Variants in ASB7 observed in about 807,000 individuals in gnomAD.
ASB7 encodes the protein ankyrin repeat and SOCS box containing 7, also known as ankyrin repeat and SOCS box protein 7.
ASB7 carries 4 observed loss-of-function variants against 32.5 expected under a neutral mutation model. The ratio of observed to expected loss-of-function variants is 0.12; its 90% confidence interval spans 0.06 to 0.28. ASB7 has a LOEUF of 0.28. Among genes scored for constraint, ASB7 ranks in the 10% least tolerant of loss-of-function variants. The pLI is 1.00. For missense variants in ASB7, 181 were observed against 407.1 expected (o/e 0.44, Z 4.78); for synonymous variants, 172 against 155.6 (o/e 1.11, Z -0.78).
In ASB7 at chr15:100,629,339, AT is replaced by A; in HGVS notation, c.212-94del. On this transcript the variant is annotated intron_variant, in intron 4 of 5. Coordinates refer to ENST00000332783, the MANE Select transcript of ASB7 (RefSeq NM_198243.3). The surrounding 1 kb of genome is among the most constrained non-coding windows in gnomAD (Gnocchi z 6.8). ...TCATTACAGTGTTTGGTTGCTTCAC[AT>A]TTTATATGAGAATTGGCCACAGTTT... 8.9e-7 allele frequency: 1 copy of A among 1,127,844 alleles called. No individual in the cohort carries two copies. The highest frequency in any genetic ancestry group is 1.3e-6 in the Non-Finnish European group (1 of 781,128). 69.9% of individuals were successfully genotyped at this position (1,127,844 alleles called of 1,614,324 possible).
At chr15:100,634,189 G>GTAAA (rs1190591539) in intron 5 of ASB7, among the ~76,000 whole-genome samples, 2 of 152,120 alleles carry the variant, frequency 1.3e-5, no homozygotes, top group Non-Finnish European at 2.9e-5. Context: ...TCCTCACAGG[G>GTAAA]TAAACTCCCA....
chr15:100,605,912 A>G (rs143917458), intron 2 of ASB7, among the ~76,000 whole-genome samples: 71 of 152,358 alleles, frequency 4.7e-4, no homozygotes, highest in African/African-American at 1.6e-3. Flanking sequence ...GTCATGGATA[A>G]GTTGTGCATG....
chr15:100,622,256 T>A (rs1567114200), intron 4 of ASB7, among the ~76,000 whole-genome samples: 1 of 151,576 alleles, frequency 6.6e-6, no homozygotes, highest in African/African-American at 2.4e-5. Flanking sequence ...ACCAAGAAGA[T>A]GAGAGATCTC....
chr15:100,626,753 A>G (rs1169262737), intron 4 of ASB7, among the ~76,000 whole-genome samples: 2 of 152,332 alleles, frequency 1.3e-5, no homozygotes, highest in East Asian at 3.9e-4. Context: ...AAAAAACTAT[A>G]TAGTATACAG....
chr15:100,645,309 CTT>C (rs2039990057), intron 5 of ASB7: 1 of 206,662 alleles, frequency 4.8e-6, no homozygotes, highest in South Asian at 8.0e-5. Flanking sequence ...AGGGTGAAAA[CTT>C]TATATAAACT....
chr15:100,612,154 C>T lies in ASB7; in HGVS notation c.-51-12C>T. ...TTCTAAATTTTACCTTTTCTACCTT[C>T]TCTTCTTAAAGGCTGATCCCCGTAA... On this transcript the variant is annotated splice_polypyrimidine_tract_variant and intron_variant, in intron 3 of 5. Transcript: ENST00000332783. 1 of 1,425,702 alleles carries T rather than the reference C, an allele frequency of 7.0e-7. No homozygotes were observed. The highest frequency in any genetic ancestry group is 9.8e-7 in the Non-Finnish European group (1 of 1,018,086). 88.3% of individuals were successfully genotyped at this position (1,425,702 alleles called of 1,614,324 possible). A position where few individuals can be genotyped will look rare whatever the true frequency, so the allele number is the denominator to read the frequency against.
chr15:100,622,221 A>AAAAAGAAAAAAAAC (rs1456971751), intron 4 of ASB7, among the ~76,000 whole-genome samples: 1 of 152,152 alleles, frequency 6.6e-6, no homozygotes, highest in Non-Finnish European at 1.5e-5. Context: ...AAGAAAAAAA[A>AAAAAGAAAAAAAAC]CCCAACAACC....
At chr15:100,608,386 G>A (rs2039666029) in intron 2 of ASB7, among the ~76,000 whole-genome samples, 1 of 152,208 alleles carries the variant, frequency 6.6e-6, no homozygotes, top group African/African-American at 2.4e-5. Flanking sequence ...CAACAGATGT[G>A]TTTCTCCCCC....
chr15:100,605,847 T>C (rs1010634237), intron 2 of ASB7, among the ~76,000 whole-genome samples: 2 of 152,246 alleles, frequency 1.3e-5, no homozygotes, highest in Admixed American at 1.3e-4. Context: ...ATTTCTTCTG[T>C]TGCTTCATCC....
intron 5 of ASB7, among the ~76,000 whole-genome samples, chr15:100,630,934 A>G (rs1198711366): frequency 6.6e-6 from 1 of 152,200 alleles, no homozygotes; most frequent in African/African-American, 2.4e-5. Flanking sequence ...TTCGGTCATT[A>G]TTATACAAGA....
rs1017533084 is a variant in ASB7, at chr15:100,602,612, A to AG, written c.-702dup. 4 of 190,640 alleles carry AG rather than the reference A, an allele frequency of 2.1e-5. No individual in the cohort carries two copies. The highest frequency in any genetic ancestry group is 4.7e-5 in the African/African-American group (2 of 42,724). 11.8% of individuals were successfully genotyped at this position (190,640 alleles called of 1,614,324 possible). ...CCAGTGACCCCAAAGTGCTGAAGGGAGGGGGCGGGGGTGGCCCAGTGCAAA... is the reference window on the plus strand; with the variant it reads ...CCAGTGACCCCAAAGTGCTGAAGGGAGGGGGGCGGGGGTGGCCCAGTGCAAA... On this transcript the variant is annotated 5_prime_UTR_variant, in exon 1 of 6. Transcript: ENST00000332783.
rs1479220374 is a variant in ASB7, at chr15:100,651,281, T to C, written c.*2819T>C. 2 of 152,164 alleles carry C rather than the reference T, an allele frequency of 1.3e-5. No homozygotes were observed. Among genetic ancestry groups the C allele is most frequent in the African/African-American group, 4.8e-5 (2 of 41,448 alleles). 9.4% of individuals were successfully genotyped at this position (152,164 alleles called of 1,614,324 possible). A position where few individuals can be genotyped will look rare whatever the true frequency, so the allele number is the denominator to read the frequency against. On this transcript the variant is annotated 3_prime_UTR_variant, in exon 6 of 6. Transcript: ENST00000332783. Reference sequence around the variant, plus strand: ...TTAGATTATTTAATTCCCATATTTCTAAACTATTTACTACACAGTAATCCA... The same window carrying C: ...TTAGATTATTTAATTCCCATATTTCCAAACTATTTACTACACAGTAATCCA...
chr15:100,624,272 T>C (rs2039818479), intron 4 of ASB7, among the ~76,000 whole-genome samples: 1 of 152,176 alleles, frequency 6.6e-6, no homozygotes, highest in African/African-American at 2.4e-5. Flanking sequence ...AACAATGTAT[T>C]ATGTATCTCA....
At chr15:100,634,804 A>G (rs908054193) in intron 5 of ASB7, among the ~76,000 whole-genome samples, 2 of 152,198 alleles carry the variant, frequency 1.3e-5, no homozygotes, top group East Asian at 1.9e-4. Flanking sequence ...ACTCCATCTC[A>G]AAAGAAAGAA....
At chr15:100,643,445 C>T (rs1464075066) in intron 5 of ASB7, among the ~76,000 whole-genome samples, 6 of 151,166 alleles carry the variant, frequency 4.0e-5, no homozygotes, top group Admixed American at 3.3e-4. Flanking sequence ...GCAGATCCCC[C>T]ATTCCATAAC....
intron 2 of ASB7, among the ~76,000 whole-genome samples, chr15:100,605,332 T>C (rs1326070000): frequency 6.6e-6 from 1 of 152,236 alleles, no homozygotes; most frequent in Admixed American, 6.5e-5. Context: ...GTATTAATTC[T>C]ATTGCCAATC....
rs201797148 is a variant in ASB7, at chr15:100,651,181, G to A, written c.*2719G>A. On this transcript the variant is annotated 3_prime_UTR_variant, in exon 6 of 6. Coordinates refer to ENST00000332783, the MANE Select transcript of ASB7 (RefSeq NM_198243.3). ...TAATGAACTGCAAACCTCATCTTTC[G>A]AAAACAAGGTTTTGTGTTTTTTTTT... The A allele has an allele frequency of 8.8e-5, 13 of 148,216 alleles. No individual in the cohort carries two copies. In the East Asian group the frequency reaches 1.6e-3, roughly 18 times the overall value. The allele number at this position is 148,216 out of a possible 1,614,324, so 9.2% of individuals were successfully genotyped here.
At chr15:100,606,950 C>T (rs139544561) in intron 2 of ASB7, among the ~76,000 whole-genome samples, 1,800 of 152,126 alleles carry the variant, frequency 0.012, 49 homozygotes, top group African/African-American at 0.04. Context: ...GTCAAGAGAT[C>T]GAGATCATCC....
chr15:100,614,317 C>T (rs978840626), intron 4 of ASB7, among the ~76,000 whole-genome samples: 3 of 151,418 alleles, frequency 2.0e-5, no homozygotes, highest in African/African-American at 7.3e-5. Context: ...AAAATTCTGT[C>T]GTATTATGTT....
Sources: gnomAD v4.1 joint callset for allele counts (sites outside exome capture counted in the v4.1 genomes callset) on GRCh38, gnomAD v4.1.1 for gene constraint, Gnocchi (gnomAD v3.1) non-coding constraint, MANE v1.5 for transcripts, NCBI Gene and HGNC (gene_info 2026-07-23, HGNC 2026-07-21) for gene names.